Variants in SDCCAG8 observed in about 807,000 individuals in gnomAD.
The protein encoded by SDCCAG8 is SHH signaling and ciliogenesis regulator SDCCAG8.
SDCCAG8 carries 74 observed loss-of-function variants against 101.8 expected under a neutral mutation model. The ratio of observed to expected loss-of-function variants is 0.73; its 90% CI spans 0.60 to 0.88. The LOEUF (loss-of-function observed/expected upper bound fraction) is 0.88. SDCCAG8 is among the 40% of genes least tolerant of loss of function. The pLI is 0.00. For synonymous variants in SDCCAG8, 281 were observed against 292.9 expected (o/e 0.96, Z 0.41); for missense variants, 787 against 822.6 (o/e 0.96, Z 0.53).
chr1:243,289,088 T>C (rs1307820151), intron 5 of SDCCAG8, among the ~76,000 whole-genome samples: 2 of 151,706 alleles, frequency 1.3e-5, no homozygotes, highest in Non-Finnish European at 2.9e-5. Flanking sequence ...TGATATAATA[T>C]ATATATATGA....
At chr1:243,298,151 CA>C (rs2071128274) in intron 6 of SDCCAG8, among the ~76,000 whole-genome samples, 1 of 151,232 alleles carries the variant, frequency 6.6e-6, no homozygotes, top group South Asian at 2.1e-4. Context: ...CTGGTTCAGG[CA>C]ATTCCTCAGT....
intron 11 of SDCCAG8, among the ~76,000 whole-genome samples, chr1:243,342,836 A>T (rs144314325): frequency 6.6e-6 from 1 of 152,166 alleles, no homozygotes; most frequent in African/African-American, 2.4e-5. Flanking sequence ...TAATAACTTC[A>T]TTATTGTTCT....
chr1:243,322,496 T>C (rs1303111407), intron 9 of SDCCAG8, among the ~76,000 whole-genome samples: 4 of 152,366 alleles, frequency 2.6e-5, no homozygotes, highest in Admixed American at 2.0e-4. Flanking sequence ...CAATTTTGGC[T>C]CAGTGCTATC....
At chr1:243,313,620 C>T (rs778830379) in intron 8 of SDCCAG8, among the ~76,000 whole-genome samples, 1 of 152,198 alleles carries the variant, frequency 6.6e-6, no homozygotes, top group East Asian at 1.9e-4. Context: ...TCCTTGATTA[C>T]ATTCATCAAC....
At chr1:243,477,657 C>T (rs1451996506) in intron 16 of SDCCAG8, among the ~76,000 whole-genome samples, 1 of 152,198 alleles carries the variant, frequency 6.6e-6, no homozygotes, top group Non-Finnish European at 1.5e-5. Flanking sequence ...TGAAGAGCCT[C>T]GGTGATATTG....
chr1:243,348,716 G>A (rs1337208436), intron 12 of SDCCAG8, among the ~76,000 whole-genome samples: 1 of 151,638 alleles, frequency 6.6e-6, no homozygotes, highest in African/African-American at 2.4e-5. Flanking sequence ...GCTCACGCCT[G>A]TAATCCCAGC....
Position 243,489,098 on chromosome 1 carries a change from G to A in SDCCAG8, c.2070G>A (p.Glu690=), listed in dbSNP as rs967998814. Reference sequence around the variant, plus strand: ...GCAAGCAGAACCAGCTTCTCCTGGAGAGGCAGAGCCTGTCGGAAGAGGTGG... The same window carrying A: ...GCAAGCAGAACCAGCTTCTCCTGGAAAGGCAGAGCCTGTCGGAAGAGGTGG... ...LLSKQNQLLL[E]RQSLSEEVDR... The change falls in exon 17 of 18, where the codon GAG becomes GAA. Residue 690 remains glutamate (E), a synonymous_variant. Coordinates refer to ENST00000366541, the MANE Select transcript of SDCCAG8 (RefSeq NM_006642.5). 6.2e-7 allele frequency: 1 copy of A among 1,613,314 alleles called. No individual in the cohort carries two copies. Among genetic ancestry groups the A allele is most frequent in the Non-Finnish European group, 8.5e-7 (1 of 1,180,010 alleles).
chr1:243,311,291 G>T (rs1558275212), intron 8 of SDCCAG8, among the ~76,000 whole-genome samples: 1 of 151,918 alleles, frequency 6.6e-6, no homozygotes. Context: ...ATTGTTGCAA[G>T]AAAACAAAAC....
chr1:243,461,701 C>G (rs945478969), intron 16 of SDCCAG8, among the ~76,000 whole-genome samples: 1 of 151,792 alleles, frequency 6.6e-6, no homozygotes, highest in African/African-American at 2.4e-5. Flanking sequence ...ATTTTCATCC[C>G]ATTCCTTATT....
chr1:243,498,032 T>A (rs1346430893), intron 17 of SDCCAG8, among the ~76,000 whole-genome samples: 1 of 151,392 alleles, frequency 6.6e-6, no homozygotes, highest in Admixed American at 6.6e-5. Context: ...CCTTTTGTAT[T>A]CAGTCATCCT....
chr1:243,279,089 C>A (rs781575292), intron 4 of SDCCAG8, among the ~76,000 whole-genome samples: 7 of 152,088 alleles, frequency 4.6e-5, no homozygotes, highest in Non-Finnish European at 8.8e-5. Flanking sequence ...ATGTGCCCAG[C>A]CAGATTTTAT....
chr1:243,298,836 A>G (rs538044812), intron 6 of SDCCAG8, among the ~76,000 whole-genome samples: 6 of 152,150 alleles, frequency 3.9e-5, no homozygotes, highest in Non-Finnish European at 8.8e-5. Context: ...TGCTAATACT[A>G]TACTGTCTTG....
intron 4 of SDCCAG8, among the ~76,000 whole-genome samples, chr1:243,284,887 A>ATT (rs34516507): frequency 3.4e-5 from 5 of 146,284 alleles, no homozygotes; most frequent in Admixed American, 6.9e-5. Context: ...TCTTCCTGGA[A>ATT]TTTTTTTTTT....
intron 13 of SDCCAG8, among the ~76,000 whole-genome samples, chr1:243,387,566 T>C (rs2078387552): frequency 1.3e-5 from 2 of 152,144 alleles, no homozygotes; most frequent in African/African-American, 4.8e-5. Flanking sequence ...ACTTGACCTA[T>C]AGGATTTGTG....
intron 16 of SDCCAG8, among the ~76,000 whole-genome samples, chr1:243,426,835 G>A (rs1304816471): frequency 6.6e-6 from 1 of 152,156 alleles, no homozygotes; most frequent in Non-Finnish European, 1.5e-5. Flanking sequence ...TTCCTTTAAG[G>A]TGTAAGTTGG....
intron 16 of SDCCAG8, among the ~76,000 whole-genome samples, chr1:243,463,570 G>T (rs528644030): frequency 6.6e-6 from 1 of 152,270 alleles, no homozygotes; most frequent in African/African-American, 2.4e-5. Context: ...ACCGCTTCCT[G>T]TAATGCCTAA....
chr1:243,303,989 C>CT (rs2071821252), intron 6 of SDCCAG8, among the ~76,000 whole-genome samples: 1 of 152,066 alleles, frequency 6.6e-6, no homozygotes, highest in South Asian at 2.1e-4. Context: ...ACAAGAATAG[C>CT]TTGAATCCAG....
intron 16 of SDCCAG8, among the ~76,000 whole-genome samples, chr1:243,438,798 G>T (rs1338616775): frequency 6.6e-6 from 1 of 152,152 alleles, no homozygotes; most frequent in Non-Finnish European, 1.5e-5. Context: ...GCTGATCATG[G>T]CCTATCTTTA....
intron 9 of SDCCAG8, among the ~76,000 whole-genome samples, chr1:243,320,796 G>C (rs1221473542): frequency 6.6e-6 from 1 of 152,148 alleles, no homozygotes; most frequent in African/African-American, 2.4e-5. Context: ...AGCGGTGGTG[G>C]TGATAACCCT....
Sources: gnomAD v4.1 joint callset for allele counts (sites outside exome capture counted in the v4.1 genomes callset) on GRCh38, gnomAD v4.1.1 for gene constraint, MANE v1.5 for transcripts, NCBI Gene and HGNC (gene_info 2026-07-23, HGNC 2026-07-21) for gene names.